Variants in SLC38A9 observed in about 807,000 individuals in gnomAD.
The protein encoded by SLC38A9 is neutral amino acid transporter 9.
SLC38A9 carries 48 observed loss-of-function variants against 62.3 expected under a neutral mutation model. The observed-to-expected ratio is 0.77, with a 90% CI of 0.61 to 0.98. SLC38A9 has a LOEUF of 0.98. SLC38A9 is among the 50% of genes least tolerant of loss of function. SLC38A9 has a pLI of 0.00. For synonymous variants in SLC38A9, 204 were observed against 227.7 expected, an observed-to-expected ratio of 0.90 and a Z score of 0.94; for missense variants, 541 against 679.8, an observed-to-expected ratio of 0.80 and a Z score of 2.27.
intron 9 of SLC38A9, among the ~76,000 whole-genome samples, chr5:55,655,601 G>GA (rs1748262156): frequency 2.0e-5 from 3 of 152,086 alleles, no homozygotes; most frequent in Middle Eastern, 3.2e-3. Context: ...TTAATTAGGG[G>GA]GAAAAGTAAG....
intron 3 of SLC38A9, among the ~76,000 whole-genome samples, 191 bp downstream of exon 3, chr5:55,697,655 A>AAC (rs1491243777): frequency 9.0e-3 from 114 of 12,630 alleles, no homozygotes; most frequent in Non-Finnish European, 0.015. Context: ...GAGTTTAGTG[A>AAC]AAAAAAAAAA....
chr5:55,670,519 G>C (rs1751132860), intron 4 of SLC38A9, among the ~76,000 whole-genome samples: 1 of 152,072 alleles, frequency 6.6e-6, no homozygotes, highest in Non-Finnish European at 1.5e-5. Flanking sequence ...AAATAGTTTT[G>C]GGATTTTCAG....
chr5:55,677,925 ATT>A (rs1491208035), intron 3 of SLC38A9, among the ~76,000 whole-genome samples: 26 of 26,412 alleles, frequency 9.8e-4, no homozygotes, highest in South Asian at 3.5e-3. Context: ...TTTTTTCTTT[ATT>A]GTGTGTGTGT....
chr5:55,677,005 A>T (rs1426838066), intron 3 of SLC38A9, among the ~76,000 whole-genome samples: 1 of 152,222 alleles, frequency 6.6e-6, no homozygotes, highest in Non-Finnish European at 1.5e-5. Flanking sequence ...CTAAGATTTA[A>T]AAACTTCCAA....
chr5:55,648,836 TATC>T (rs1187294976), intron 11 of SLC38A9, among the ~76,000 whole-genome samples: 2 of 152,192 alleles, frequency 1.3e-5, no homozygotes, highest in African/African-American at 4.8e-5. Flanking sequence ...GGTATTAAAA[TATC>T]ATATGTTCCC....
intron 8 of SLC38A9, among the ~76,000 whole-genome samples, chr5:55,659,260 A>G (rs1749019957): frequency 7.0e-6 from 1 of 142,738 alleles, no homozygotes; most frequent in Non-Finnish European, 1.5e-5. Flanking sequence ...AAAAACCATC[A>G]ATATATACAT....
chr5:55,626,959 C>T (rs903794955), intron 15 of SLC38A9, among the ~76,000 whole-genome samples: 10 of 152,152 alleles, frequency 6.6e-5, no homozygotes, highest in African/African-American at 2.4e-4. Flanking sequence ...TCAGAAACAT[C>T]TGGAGCTAGG....
chr5:55,654,209 C>T (rs549374350), intron 9 of SLC38A9, among the ~76,000 whole-genome samples: 1 of 152,312 alleles, frequency 6.6e-6, no homozygotes, highest in Admixed American at 6.5e-5. Flanking sequence ...ATTTGGCATG[C>T]CACAAAGCCA....
At position 55,627,923 on chromosome 5, in the gene SLC38A9, G is replaced by T. The variant is rs778680730; in HGVS notation, c.1488C>A (p.Ala496=). The change falls in exon 15 of 16, where the codon GCC becomes GCA. Residue 496 remains alanine (A), a synonymous_variant. Transcript: ENST00000396865. ...LIIVGAGVIM[A]CFYPNIGGII... The stretch of plus-strand genomic sequence containing the variant: ...TCCCTCCTATGTTTGGGTAGAAACA[G>T]GCCATGATCACTCCAGCTCCCACAA... 1.2e-6 allele frequency: 2 copies of T among 1,612,672 alleles called. No homozygotes were observed. The highest frequency in any genetic ancestry group is 2.7e-5 in the African/African-American group (2 of 74,972).
intron 7 of SLC38A9, 53 bp downstream of exon 7, chr5:55,669,175 A>C: frequency 7.4e-7 from 1 of 1,354,478 alleles, no homozygotes; most frequent in Non-Finnish European, 1.0e-6. Flanking sequence ...TCTGCCTCAA[A>C]GGGAAATGCT....
intron 8 of SLC38A9, among the ~76,000 whole-genome samples, chr5:55,662,813 A>T (rs905867160): frequency 1.3e-5 from 2 of 152,068 alleles, no homozygotes; most frequent in African/African-American, 2.4e-5. Context: ...GAAGGAGTGC[A>T]TGTGGGGCTT....
intron 3 of SLC38A9, among the ~76,000 whole-genome samples, chr5:55,694,488 CTGTGTG>C (rs3042030): frequency 6.6e-6 from 1 of 151,184 alleles, no homozygotes; most frequent in African/African-American, 2.4e-5. Context: ...AAGGACAATT[CTGTGTG>C]TGTGTGTGTG....
At chr5:55,634,301 C>A in intron 13 of SLC38A9, 1 of 155,594 alleles carries the variant, frequency 6.4e-6, no homozygotes, top group Non-Finnish European at 1.4e-5. Context: ...TTATTTTACC[C>A]TCTCTGGCTC....
chr5:55,670,874 G>A (rs975336083), intron 4 of SLC38A9, among the ~76,000 whole-genome samples: 27 of 151,456 alleles, frequency 1.8e-4, no homozygotes, highest in African/African-American at 6.5e-4. Flanking sequence ...GGCCTAAGGG[G>A]AAAAAGCCGA....
chr5:55,678,271 G>A lies in SLC38A9; in HGVS notation c.114-5576C>T, dbSNP rs189587850. Among the ~76,000 whole-genome samples the A allele has an allele frequency of 1.5e-4, 23 of 151,650 alleles. No homozygotes were observed. The East Asian group carries it at 3.3e-3, about 22-fold the overall frequency. ...TCCTGTCTCAGTCTCCTGAGTAGCT[G>A]GGACTATAGGCATGTGCCACCACAC... On this transcript the variant is annotated intron_variant, in intron 3 of 15. Coordinates refer to ENST00000396865, the MANE Select transcript of SLC38A9 (RefSeq NM_173514.4).
intron 8 of SLC38A9, 28 bp downstream of exon 8, chr5:55,664,665 G>T: frequency 4.6e-6 from 6 of 1,297,692 alleles, no homozygotes; most frequent in Non-Finnish European, 6.2e-6. Flanking sequence ...AAAGTACTGT[G>T]TTAAAAGCAT....
chr5:55,630,326 G>GTT, intron 14 of SLC38A9, among the ~76,000 whole-genome samples: 1 of 150,624 alleles, frequency 6.6e-6, no homozygotes, highest in Non-Finnish European at 1.5e-5. Flanking sequence ...GTTTGTTTTT[G>GTT]TTTTTTTTTG....
intron 12 of SLC38A9, among the ~76,000 whole-genome samples, chr5:55,643,008 A>G (rs2150114802): frequency 6.6e-6 from 1 of 152,280 alleles, no homozygotes; most frequent in Non-Finnish European, 1.5e-5. Flanking sequence ...TTCAGTAACA[A>G]CTGTATAGAC....
At chr5:55,676,403 T>C (rs1752086664) in intron 3 of SLC38A9, among the ~76,000 whole-genome samples, 1 of 152,170 alleles carries the variant, frequency 6.6e-6, no homozygotes, top group Non-Finnish European at 1.5e-5. Flanking sequence ...GGTCTCAAAC[T>C]TCTGGCACAA....
Sources: gnomAD v4.1 joint callset for allele counts (sites outside exome capture counted in the v4.1 genomes callset) on GRCh38, gnomAD v4.1.1 for gene constraint, MANE v1.5 for transcripts, NCBI Gene and HGNC (gene_info 2026-07-23, HGNC 2026-07-21) for gene names.